Variants in ZNF608 observed in about 807,000 individuals in gnomAD.
ZNF608 encodes renal carcinoma antigen NY-REN-36.
A neutral mutation model predicts 109.0 loss-of-function variants in ZNF608; 12 were observed. The ratio of observed to expected loss-of-function variants is 0.11; its 90% confidence interval spans 0.07 to 0.18. The LOEUF (loss-of-function observed/expected upper bound fraction) is 0.18, where lower values mean the gene tolerates loss of function less well. ZNF608 is among the 10% of genes least tolerant of loss of function. The pLI is 1.00. For missense variants in ZNF608, 1,707 were observed against 1,879.3 expected (o/e 0.91, Z 1.70); for synonymous variants, 732 against 717.4 (o/e 1.02, Z -0.33).
At chr5:124,658,231 CT>C (rs1387659205) in intron 3 of ZNF608, among the ~76,000 whole-genome samples, 1 of 152,166 alleles carries the variant, frequency 6.6e-6, no homozygotes, top group Non-Finnish European at 1.5e-5. Context: ...AAGCCACCCC[CT>C]GTACCCCAAA....
chr5:124,696,636 C>T (rs1225175672), intron 3 of ZNF608, among the ~76,000 whole-genome samples: 1 of 152,146 alleles, frequency 6.6e-6, no homozygotes, highest in Non-Finnish European at 1.5e-5. Flanking sequence ...CTTAAATCCT[C>T]TGTGGAGTTC....
chr5:124,702,474 A>G (rs1753091383), intron 2 of ZNF608, among the ~76,000 whole-genome samples: 1 of 150,696 alleles, frequency 6.6e-6, no homozygotes, highest in Admixed American at 6.6e-5. Flanking sequence ...TGCAGGCGTA[A>G]TAGTATATAG....
At position 124,682,577 on chromosome 5, in the gene ZNF608, T is replaced by A. The variant is rs181786827; in HGVS notation, c.1162+18437A>T. On this transcript the variant is annotated intron_variant, in intron 3 of 9. Coordinates refer to ENST00000513986, the MANE Select transcript of ZNF608 (RefSeq NM_020747.3). Reference sequence around the variant, plus strand: ...TCCAGATTGGAGAAGGTCAGAAAACTCTGGGAGAGACTATCCCAAAAGATA... The same window carrying A: ...TCCAGATTGGAGAAGGTCAGAAAACACTGGGAGAGACTATCCCAAAAGATA... 8.5e-5 allele frequency among the ~76,000 whole-genome samples: 13 copies of A among 152,316 alleles called. No individual in the cohort carries two copies. In the East Asian group the frequency reaches 2.3e-3, roughly 27 times the overall value.
chr5:124,697,507 C>T (rs1752898408), intron 3 of ZNF608, among the ~76,000 whole-genome samples: 1 of 152,124 alleles, frequency 6.6e-6, no homozygotes. Flanking sequence ...TGGTCCTATG[C>T]ATTTACCTTA....
chr5:124,727,508 T>C (rs914903543), intron 2 of ZNF608, among the ~76,000 whole-genome samples: 2 of 152,056 alleles, frequency 1.3e-5, no homozygotes, highest in Non-Finnish European at 2.9e-5. Flanking sequence ...TGTAAAAAGA[T>C]ATTAACAAAT....
chr5:124,648,334 C>T lies in ZNF608; in HGVS notation c.2050G>A (p.Asp684Asn). ...PVISNMTAAL[D>N]SCSAADGSLA... ...CTGCCGTCTGCTGCCGAGCAACTGT[C>T]TAACGCAGCCGTCATGTTGGAGATT... The change falls in exon 5 of 10, where the codon GAC (aspartate) becomes AAC (asparagine). Residue 684 changes from aspartate to asparagine, a missense_variant. Around this residue, in one of 7 missense-constraint regions of ZNF608, gnomAD observed 1,073 missense variants for 1,133.5 expected, o/e 0.95. Coordinates refer to ENST00000513986, the MANE Select transcript of ZNF608 (RefSeq NM_020747.3). 2 of 1,614,222 alleles carry T rather than the reference C, an allele frequency of 1.2e-6. No homozygotes were observed. The highest frequency in any genetic ancestry group is 2.2e-5 in the East Asian group (1 of 44,886).
At chr5:124,742,651 A>C (rs115503893) in intron 2 of ZNF608, among the ~76,000 whole-genome samples, 3,346 of 152,304 alleles carry the variant, frequency 0.022, 58 homozygotes, top group South Asian at 0.047. Context: ...GAGGATATGA[A>C]TTTATAAGCG....
rs761942145 is a variant in ZNF608 at position 124,744,207 on chromosome 5, G to A, written c.783C>T (p.Ala261=). ...CACTTTTGCTAACTTCCCCTGCAGCGGCGACGCTGCCACTCCCAGTGCCCC... is the reference window on the plus strand; with the variant it reads ...CACTTTTGCTAACTTCCCCTGCAGCAGCGACGCTGCCACTCCCAGTGCCCC... ...HCGGTGSGSV[A]AAGEVSKSAP... The change falls in exon 2 of 10, where the codon GCC becomes GCT. Residue 261 remains alanine, a synonymous_variant. Transcript: ENST00000513986. The surrounding 1 kb of genome is among the most constrained non-coding windows in gnomAD (Gnocchi z 4.5). 3 of 1,613,768 alleles carry A rather than the reference G, an allele frequency of 1.9e-6. No homozygotes were observed. Among genetic ancestry groups the A allele is most frequent in the Non-Finnish European group, 2.5e-6 (3 of 1,180,008 alleles).
intron 3 of ZNF608, among the ~76,000 whole-genome samples, chr5:124,688,012 T>C (rs1342644945): frequency 6.6e-6 from 1 of 152,138 alleles, no homozygotes; most frequent in Non-Finnish European, 1.5e-5. Flanking sequence ...CAAAATGCTT[T>C]CTAGAAAATC....
At chr5:124,685,809 TG>T (rs1280406237) in intron 3 of ZNF608, among the ~76,000 whole-genome samples, 1 of 152,172 alleles carries the variant, frequency 6.6e-6, no homozygotes, top group Non-Finnish European at 1.5e-5. Context: ...CAGACCTCTG[TG>T]CTGTTAATTC....
chr5:124,659,308 C>T (rs1306407229), intron 3 of ZNF608, among the ~76,000 whole-genome samples: 3 of 152,092 alleles, frequency 2.0e-5, no homozygotes, highest in African/African-American at 4.8e-5. Context: ...CACCAAAAGA[C>T]GAGTACTCTA....
intron 3 of ZNF608, among the ~76,000 whole-genome samples, chr5:124,681,717 T>C (rs1360413492): frequency 6.6e-6 from 1 of 152,192 alleles, no homozygotes; most frequent in Non-Finnish European, 1.5e-5. Flanking sequence ...CTACTCACTC[T>C]AGCCTAGGTG....
rs563337163 is a variant in ZNF608, at chr5:124,704,717, T to G, written c.907-3448A>C. 6.6e-5 allele frequency among the ~76,000 whole-genome samples: 10 copies of G among 152,268 alleles called. No homozygotes were observed. In the East Asian group the frequency reaches 1.9e-3, roughly 30 times the overall value. On this transcript the variant is annotated intron_variant, in intron 2 of 9. Coordinates refer to ENST00000513986, the MANE Select transcript of ZNF608 (RefSeq NM_020747.3). Reference sequence around the variant, plus strand: ...ATCAACTGACAGAACTGAGCTTCACTGCAGCCTTGCCACGTGACTTGCCCA... The same window carrying G: ...ATCAACTGACAGAACTGAGCTTCACGGCAGCCTTGCCACGTGACTTGCCCA...
At chr5:124,746,031 G>T in intron 1 of ZNF608, 164 bp downstream of exon 1, 1 of 624,094 alleles carries the variant, frequency 1.6e-6, no homozygotes, top group Non-Finnish European at 2.0e-6. Flanking sequence ...CACTTTAAGT[G>T]ATCTGCGCCA....
chr5:124,674,869 T>A (rs918105559), intron 3 of ZNF608, among the ~76,000 whole-genome samples: 3 of 151,974 alleles, frequency 2.0e-5, no homozygotes, highest in African/African-American at 7.3e-5. Flanking sequence ...CTGCCTCACC[T>A]CCCCAAATGC....
At chr5:124,681,339 C>T (rs932518747) in intron 3 of ZNF608, among the ~76,000 whole-genome samples, 2 of 151,996 alleles carry the variant, frequency 1.3e-5, no homozygotes, top group Non-Finnish European at 2.9e-5. Context: ...AGCCTGTAAT[C>T]CCAGCTACTC....
intron 2 of ZNF608, among the ~76,000 whole-genome samples, chr5:124,721,420 G>A (rs1753895792): frequency 6.6e-6 from 1 of 152,098 alleles, no homozygotes; most frequent in African/African-American, 2.4e-5. Flanking sequence ...CAAATAAGAT[G>A]GCATCCATGC....
intron 2 of ZNF608, among the ~76,000 whole-genome samples, chr5:124,724,055 A>T (rs573860407): frequency 6.6e-6 from 1 of 152,306 alleles, no homozygotes; most frequent in African/African-American, 2.4e-5. Flanking sequence ...AACTACAGGC[A>T]ATTCATGTTC....
intron 2 of ZNF608, among the ~76,000 whole-genome samples, chr5:124,735,329 C>A (rs1161121519): frequency 6.6e-6 from 1 of 152,140 alleles, no homozygotes; most frequent in African/African-American, 2.4e-5. Flanking sequence ...GCGCTCAGGG[C>A]CATAAACGGG....
Sources: gnomAD v4.1 joint callset for allele counts (sites outside exome capture counted in the v4.1 genomes callset) on GRCh38, gnomAD v4.1.1 for gene constraint, gnomAD v4.1.1 regional missense constraint, Gnocchi (gnomAD v3.1) non-coding constraint, MANE v1.5 for transcripts, NCBI Gene and HGNC (gene_info 2026-07-23, HGNC 2026-07-21) for gene names.